SEMA3A: variants seen among roughly 807,000 people sequenced by gnomAD.
SEMA3A encodes semaphorin 3A.
In SEMA3A, 29 loss-of-function variants were observed where a neutral mutation model predicts 97.9. The ratio of observed to expected loss-of-function variants is 0.30; its 90% CI spans 0.22 to 0.40. The LOEUF (loss-of-function observed/expected upper bound fraction) is 0.40. Among genes scored for constraint, SEMA3A ranks in the 10% least tolerant of loss-of-function variants. The pLI, the probability that SEMA3A is intolerant of heterozygous loss-of-function variation, is 1.00. For missense variants in SEMA3A, 763 were observed against 951.3 expected (o/e 0.80, Z 2.60); for synonymous variants, 321 against 323.7 (o/e 0.99, Z 0.09).
intron 12 of SEMA3A, among the ~76,000 whole-genome samples, chr7:83,989,253 G>A (rs1584511446): frequency 6.6e-6 from 1 of 152,124 alleles, no homozygotes; most frequent in South Asian, 2.1e-4. Flanking sequence ...CAAAAATGAA[G>A]CTGATTAATA....
chr7:84,324,129 T>C (rs958638832), intron 2 of SEMA3A, among the ~76,000 whole-genome samples: 3 of 152,200 alleles, frequency 2.0e-5, no homozygotes, highest in Admixed American at 1.3e-4. Context: ...GCAGAGCCAA[T>C]TTAAATTTTT....
At chr7:83,983,710 C>T (rs1427633323) in intron 13 of SEMA3A, among the ~76,000 whole-genome samples, 7 of 152,082 alleles carry the variant, frequency 4.6e-5, no homozygotes, top group African/African-American at 1.7e-4. Flanking sequence ...ATTATGCTAT[C>T]CAAATGAAAT....
intron 1 of SEMA3A, among the ~76,000 whole-genome samples, chr7:84,165,447 G>A (rs912003262): frequency 2.6e-5 from 4 of 151,952 alleles, no homozygotes; most frequent in African/African-American, 7.3e-5. Context: ...GATTTATTGA[G>A]TACTTAATAT....
chr7:84,095,358 C>CACATATATATATATATAT (rs1211794166), intron 4 of SEMA3A, among the ~76,000 whole-genome samples: 2,573 of 122,524 alleles, frequency 0.021, 117 homozygotes, highest in African/African-American at 0.025. Flanking sequence ...TTTTTATATA[C>CACATATATATATATATAT]ATATATATAT....
intron 5 of SEMA3A, among the ~76,000 whole-genome samples, chr7:84,059,753 G>A (rs537905398): frequency 6.6e-6 from 1 of 151,256 alleles, no homozygotes; most frequent in African/African-American, 2.4e-5. Context: ...TTGTTGGTAT[G>A]CTCAAAATTT....
intron 1 of SEMA3A, among the ~76,000 whole-genome samples, chr7:84,176,660 C>T (rs938647159): frequency 3.3e-5 from 5 of 152,096 alleles, no homozygotes; most frequent in African/African-American, 1.2e-4. Context: ...ATTTTTTAAG[C>T]ATTTAATCCA....
At chr7:84,402,297 C>A (rs569140696) in intron 1 of SEMA3A, among the ~76,000 whole-genome samples, 38 of 152,224 alleles carry the variant, frequency 2.5e-4, no homozygotes, top group African/African-American at 7.9e-4. Context: ...AATCAAATAT[C>A]ATCTCATCCT....
chr7:84,250,124 C>G (rs2075186906), intron 3 of SEMA3A, among the ~76,000 whole-genome samples: 1 of 151,738 alleles, frequency 6.6e-6, no homozygotes, highest in Admixed American at 6.6e-5. Context: ...GATATATAAA[C>G]TATACTGGTG....
chr7:84,288,469 G>A (rs965238167), intron 3 of SEMA3A, among the ~76,000 whole-genome samples: 5 of 152,158 alleles, frequency 3.3e-5, no homozygotes, highest in Non-Finnish European at 2.9e-5. Flanking sequence ...GGGCCAAGGC[G>A]GATGGATCAC....
chr7:84,330,595 T>C (rs1801887130), intron 2 of SEMA3A, among the ~76,000 whole-genome samples: 1 of 152,074 alleles, frequency 6.6e-6, no homozygotes, highest in Non-Finnish European at 1.5e-5. Context: ...GGGTATTACC[T>C]AGTTTATTTT....
chr7:84,304,329 A>G lies in SEMA3A; in HGVS notation c.-83+2878T>C, dbSNP rs1004106762. Among the ~76,000 whole-genome samples the G allele has an allele frequency of 5.3e-5, 8 of 152,086 alleles. No homozygotes were observed. The East Asian group carries it at 1.5e-3, about 29-fold the overall frequency. On this transcript the variant is annotated intron_variant, in intron 3 of 3. Coordinates refer to the SEMA3A transcript ENST00000424555. ...AGTCCATAAGGTCTCCTTCACAATTACTCAATAATACAATTTTTGAGAAGT... is the reference window on the plus strand; with the variant it reads ...AGTCCATAAGGTCTCCTTCACAATTGCTCAATAATACAATTTTTGAGAAGT...
chr7:83,964,940 C>T (rs1001161928), intron 15 of SEMA3A, among the ~76,000 whole-genome samples: 5 of 151,928 alleles, frequency 3.3e-5, no homozygotes, highest in Admixed American at 2.0e-4. Context: ...ATAGCTGCTT[C>T]CTGGGATACA....
chr7:84,238,088 T>TTTTTTTTTTTTTTTTTTTTTTTTTTTG, intron 3 of SEMA3A, among the ~76,000 whole-genome samples: 1 of 151,884 alleles, frequency 6.6e-6, no homozygotes, highest in Non-Finnish European at 1.5e-5. Flanking sequence ...TTTTTTTCTT[T>TTTTTTTTTTTTTTTTTTTTTTTTTTTG]AGATGGAGTC....
In SEMA3A at chr7:84,108,207, T is replaced by A. The variant is rs144278697; in HGVS notation, c.453+2263A>T. ...CCTTACAAATTTCTAGCTTAGAAAC[T>A]TAGATACAGAGGAGGTAAATAATTT... is the stretch of plus-strand genomic sequence containing the variant. On this transcript the variant is annotated intron_variant, in intron 4 of 16. Transcript: ENST00000265362. Among the ~76,000 whole-genome samples, 70 of 152,236 alleles carry A rather than the reference T, an allele frequency of 4.6e-4. No individual in the cohort carries two copies. In the East Asian group the frequency reaches 0.013, roughly 29 times the overall value.
At chr7:84,211,036 T>C (rs1798611760) in intron 3 of SEMA3A, among the ~76,000 whole-genome samples, 2 of 152,220 alleles carry the variant, frequency 1.3e-5, no homozygotes, top group Non-Finnish European at 2.9e-5. Context: ...GAATCAGTGA[T>C]ATGTTCCTTT....
chr7:84,085,791 A>C (rs1794316846), intron 4 of SEMA3A, among the ~76,000 whole-genome samples: 2 of 152,196 alleles, frequency 1.3e-5, no homozygotes, highest in African/African-American at 4.8e-5. Context: ...CCTTTTAAAA[A>C]TAAATGAAGC....
At chr7:84,309,729 AT>A (rs1209049928) in intron 2 of SEMA3A, among the ~76,000 whole-genome samples, 2 of 152,170 alleles carry the variant, frequency 1.3e-5, no homozygotes, top group African/African-American at 4.8e-5. Flanking sequence ...AGTCTTCTGT[AT>A]TGGTAATATT....
chr7:84,167,223 A>G (rs1462021634), intron 1 of SEMA3A, among the ~76,000 whole-genome samples: 1 of 152,194 alleles, frequency 6.6e-6, no homozygotes, highest in Non-Finnish European at 1.5e-5. Flanking sequence ...CCTTTGGGGC[A>G]TGTGGTTGAT....
intron 1 of SEMA3A, among the ~76,000 whole-genome samples, chr7:84,416,006 G>GT (rs1804423017): frequency 6.6e-6 from 1 of 151,936 alleles, no homozygotes; most frequent in Non-Finnish European, 1.5e-5. Context: ...TATTTCCTTA[G>GT]TAGGTAGACC....
Sources: allele counts gnomAD v4.1 joint callset (sites outside exome capture counted in the v4.1 genomes callset), GRCh38; gene constraint gnomAD v4.1.1; transcripts MANE v1.5; gene names NCBI Gene and HGNC (gene_info 2026-07-23, HGNC 2026-07-21).